Variants in TBC1D1 observed in about 807,000 individuals in gnomAD.
TBC1D1 encodes TBC1 domain family member 1.
A neutral mutation model predicts 125.6 loss-of-function variants in TBC1D1; 89 were observed. The ratio of observed to expected loss-of-function variants is 0.71; its 90% CI spans 0.60 to 0.85. The LOEUF (loss-of-function observed/expected upper bound fraction) is 0.85. Among genes scored for constraint, TBC1D1 ranks in the 40% least tolerant of loss-of-function variants. TBC1D1 has a pLI of 0.00. For missense variants in TBC1D1, 1,377 were observed against 1,469.2 expected (o/e 0.94, Z 1.03); for synonymous variants, 565 against 564.1 (o/e 1.00, Z -0.02).
At chr4:38,131,559 G>C (rs936008998) in intron 18 of TBC1D1, among the ~76,000 whole-genome samples, 1 of 152,170 alleles carries the variant, frequency 6.6e-6, no homozygotes, top group Admixed American at 6.5e-5. Flanking sequence ...GAGTTGCCTC[G>C]TTTAATTCTC....
intron 2 of TBC1D1, among the ~76,000 whole-genome samples, chr4:37,942,484 C>A (rs1725777618): frequency 6.6e-6 from 1 of 152,008 alleles, no homozygotes; most frequent in Non-Finnish European, 1.5e-5. Context: ...ATCCAGTTTG[C>A]CAGTCTTTTA....
At chr4:38,000,875 G>C (rs1215817307) in intron 2 of TBC1D1, among the ~76,000 whole-genome samples, 1 of 152,094 alleles carries the variant, frequency 6.6e-6, no homozygotes, top group African/African-American at 2.4e-5. Flanking sequence ...TGCTAGAATG[G>C]CCCACAGAAC....
At chr4:37,998,980 C>T (rs200123863) in intron 2 of TBC1D1, among the ~76,000 whole-genome samples, 1 of 152,150 alleles carries the variant, frequency 6.6e-6, no homozygotes, top group African/African-American at 2.4e-5. Context: ...GGCACGGTGG[C>T]TCTCGCCTGT....
chr4:37,900,348 T>C (rs1464767427), intron 1 of TBC1D1, among the ~76,000 whole-genome samples: 2 of 151,396 alleles, frequency 1.3e-5, no homozygotes. Flanking sequence ...AGACCTTACC[T>C]TGGAGGGAAG....
intron 2 of TBC1D1, among the ~76,000 whole-genome samples, chr4:38,009,388 TTATTTAA>T (rs1348874378): frequency 4.6e-5 from 7 of 152,230 alleles, no homozygotes; most frequent in Admixed American, 2.0e-4. Context: ...TGCTTCAGAC[TTATTTAA>T]TATTTGTTTC....
chr4:38,132,931 A>G (rs1207207165), intron 18 of TBC1D1, 153 bp from the exon 21 acceptor site: 2 of 468,174 alleles, frequency 4.3e-6, no homozygotes, highest in African/African-American at 2.0e-5. Context: ...CTCAGTGCGT[A>G]GTTTTTCTTA....
intron 16 of TBC1D1, 115 bp from the exon 19 acceptor site, chr4:38,117,918 C>T (rs953233490): frequency 9.5e-6 from 9 of 946,864 alleles, no homozygotes; most frequent in Admixed American, 8.9e-5. Context: ...CAAGCCAAAT[C>T]GAATGTTTAA....
At chr4:38,135,392 G>A (rs10517471) in intron 19 of TBC1D1, among the ~76,000 whole-genome samples, 5,087 of 152,314 alleles carry the variant, frequency 0.033, 122 homozygotes, top group Middle Eastern at 0.054. Context: ...GTCATAATCC[G>A]TACAAGTCAT....
At chr4:38,033,426 A>G (rs1254508922) in intron 7 of TBC1D1, among the ~76,000 whole-genome samples, 1 of 152,032 alleles carries the variant, frequency 6.6e-6, no homozygotes, top group Admixed American at 6.6e-5. Flanking sequence ...TTACAGGAAA[A>G]TTGGGTGAAA....
At chr4:38,051,792 GAAC>G (rs1426786059) in intron 11 of TBC1D1, 104 bp from the exon 12 acceptor site, 8 of 1,104,158 alleles carry the variant, frequency 7.2e-6, no homozygotes, top group Non-Finnish European at 9.0e-6. Flanking sequence ...AGTGTTACTG[GAAC>G]AACGAGACAA....
intron 18 of TBC1D1, among the ~76,000 whole-genome samples, chr4:38,128,227 C>T (rs1280504144): frequency 6.6e-6 from 1 of 152,042 alleles, no homozygotes; most frequent in Non-Finnish European, 1.5e-5. Flanking sequence ...ATCAGTGGTC[C>T]TTATAGAAAG....
intron 2 of TBC1D1, among the ~76,000 whole-genome samples, chr4:37,957,551 C>T (rs987541527): frequency 8.5e-5 from 13 of 152,082 alleles, no homozygotes; most frequent in Admixed American, 2.6e-4. Flanking sequence ...CCTAAGAGTT[C>T]GAGGCTACAG....
At chr4:38,134,513 T>C (rs961696564) in intron 19 of TBC1D1, among the ~76,000 whole-genome samples, 6 of 152,250 alleles carry the variant, frequency 3.9e-5, no homozygotes, top group African/African-American at 1.4e-4. Flanking sequence ...CTGTCTGGCC[T>C]GTAGGGGTAC....
intron 12 of TBC1D1, among the ~76,000 whole-genome samples, chr4:38,070,637 T>C (rs945625795): frequency 8.5e-5 from 13 of 152,244 alleles, no homozygotes; most frequent in Non-Finnish European, 1.9e-4. Context: ...GGGCATTTTT[T>C]CTATAAAAAT....
In TBC1D1 at chr4:38,014,543, G is replaced by A. The variant is rs750573249; in HGVS notation, c.452G>A (p.Gly151Glu). 6 of 1,613,272 alleles carry A rather than the reference G, an allele frequency of 3.7e-6. No individual in the cohort carries two copies. The Admixed American group carries it at 1.0e-4, about 27-fold the overall frequency. ...ATCATCAGCTCCATCCGTCAGGCGG[G>A]GAAGATCGCCCGGCAGGAGGAGCTG... The change falls in exon 3 of 20, where the codon GGG becomes GAG. Residue 151 changes from glycine (G) to glutamate (E), a missense_variant. Gly to Glu is a moderately conservative substitution (Grantham distance 98, BLOSUM62 -2). This residue lies in a region of TBC1D1 where 822 missense variants were observed against 824.6 expected (regional missense o/e 1.00). Transcript: ENST00000261439. The surrounding 1 kb of genome is among the most constrained non-coding windows in gnomAD (Gnocchi z 5.1).
At chr4:37,941,848 T>G (rs1725640849) in intron 2 of TBC1D1, among the ~76,000 whole-genome samples, 1 of 152,248 alleles carries the variant, frequency 6.6e-6, no homozygotes, top group Non-Finnish European at 1.5e-5. Context: ...GTGAGTTTCT[T>G]AATCCTGAGT....
intron 11 of TBC1D1, among the ~76,000 whole-genome samples, chr4:38,051,650 T>C (rs187038498): frequency 3.6e-4 from 55 of 151,794 alleles, no homozygotes; most frequent in Middle Eastern, 6.8e-3. Context: ...AAAAAAGTAT[T>C]GTTGGGAGCA....
chr4:37,893,665 G>C (rs753295825), intron 1 of TBC1D1, among the ~76,000 whole-genome samples: 6 of 151,884 alleles, frequency 4.0e-5, no homozygotes, highest in Non-Finnish European at 7.4e-5. Flanking sequence ...CAAAAATATA[G>C]ATCTACAAAA....
chr4:37,939,706 A>G (rs1034587163), intron 2 of TBC1D1, among the ~76,000 whole-genome samples: 11 of 152,090 alleles, frequency 7.2e-5, no homozygotes, highest in East Asian at 1.9e-4. Context: ...TGTATAAGGT[A>G]TAAGGAAGGG....
Sources: allele counts gnomAD v4.1 joint callset (sites outside exome capture counted in the v4.1 genomes callset), GRCh38; gene constraint gnomAD v4.1.1; regional missense constraint gnomAD v4.1.1; non-coding constraint Gnocchi (gnomAD v3.1); transcripts MANE v1.5; gene names NCBI Gene and HGNC (gene_info 2026-07-23, HGNC 2026-07-21).